The following SUGCT variants were observed in gnomAD, a reference collection of about 807,000 sequenced individuals.
SUGCT encodes the protein succinyl-CoA:glutarate-CoA transferase.
In SUGCT, 41 loss-of-function variants were observed where a neutral mutation model predicts 55.0. The ratio of observed to expected loss-of-function variants is 0.74; its 90% CI spans 0.58 to 0.97. The LOEUF (loss-of-function observed/expected upper bound fraction) is 0.97, where lower values mean the gene tolerates loss of function less well. Ranked by LOEUF, SUGCT falls within the 50% of genes least tolerant of loss-of-function variation. The pLI, the probability that SUGCT is intolerant of heterozygous loss-of-function variation, is 0.00. For missense variants in SUGCT, 568 were observed against 547.8 expected, an observed-to-expected ratio of 1.04 and a Z score of -0.37; for synonymous variants, 187 against 200.4, an observed-to-expected ratio of 0.93 and a Z score of 0.56.
chr7:40,219,236 A>C (rs758807661), intron 6 of SUGCT, among the ~76,000 whole-genome samples: 4 of 152,134 alleles, frequency 2.6e-5, no homozygotes, highest in African/African-American at 9.7e-5. Context: ...CGAATATCAG[A>C]AGGAACAAAC....
In SUGCT at chr7:40,274,652, C is replaced by T; in HGVS notation, c.716C>T (p.Ser239Phe). 6.2e-7 allele frequency: 1 copy of T among 1,613,100 alleles called. No homozygotes were observed. The highest frequency in any genetic ancestry group is 2.2e-5 in the East Asian group (1 of 44,834). ...TTCATTGATTGTAACCTACTGTCAT[C>T]CCAGGTAACAATCCAACTAACATTT... ...GLFIDCNLLS[S>F]QVACLSHIAA... The change falls in exon 8 of 14, where the codon TCC becomes TTC. Residue 239 changes from serine to phenylalanine, a missense_variant. Ser to Phe is a radical substitution (Grantham distance 155). Coordinates refer to ENST00000335693, the MANE Select transcript of SUGCT (RefSeq NM_001193313.2).
chr7:41,007,163 T>C, the SUGCT span, among the ~76,000 whole-genome samples: 1 of 152,146 alleles, frequency 6.6e-6, no homozygotes, highest in Non-Finnish European at 1.5e-5. Context: ...TTATTTCCAT[T>C]TTAACTTTGA....
At chr7:40,507,783 A>G (rs1474553670) in intron 12 of SUGCT, among the ~76,000 whole-genome samples, 1 of 152,064 alleles carries the variant, frequency 6.6e-6, no homozygotes, top group Non-Finnish European at 1.5e-5. Flanking sequence ...TCTGGCCCCA[A>G]ATTGTGCTTT....
Position 40,696,203 on chromosome 7 carries a change from A to G in SUGCT, c.1090-53231A>G, listed in dbSNP as rs150698646. On this transcript the variant is annotated intron_variant, in intron 12 of 13. Coordinates refer to ENST00000335693, the MANE Select transcript of SUGCT (RefSeq NM_001193313.2). ...ATTTTACATTAATCCTCAGTCACCC[A>G]TCAGTCACGAATTGTAGAAAAGGAA... 1.1e-4 allele frequency among the ~76,000 whole-genome samples: 16 copies of G among 152,216 alleles called. No individual in the cohort carries two copies. In the East Asian group the frequency reaches 3.1e-3, roughly 29 times the overall value.
chr7:40,821,583 T>TCCCACAGA (rs1411376205), intron 13 of SUGCT, among the ~76,000 whole-genome samples: 1 of 152,212 alleles, frequency 6.6e-6, no homozygotes, highest in Non-Finnish European at 1.5e-5. Flanking sequence ...TGATGGTAAT[T>TCCCACAGA]TGTATTTCTG....
intron 12 of SUGCT, among the ~76,000 whole-genome samples, chr7:40,535,477 A>G (rs1046668985): frequency 1.3e-5 from 2 of 152,218 alleles, no homozygotes; most frequent in African/African-American, 4.8e-5. Context: ...CCACTGTGGA[A>G]AGGAGTTGGG....
chr7:40,598,986 T>G (rs1321657138), intron 12 of SUGCT, among the ~76,000 whole-genome samples: 2 of 152,198 alleles, frequency 1.3e-5, no homozygotes, highest in African/African-American at 4.8e-5. Flanking sequence ...ATTCTAAACT[T>G]AATGGTGGCT....
At chr7:40,264,654 T>C (rs1443592715) in intron 7 of SUGCT, among the ~76,000 whole-genome samples, 2 of 152,206 alleles carry the variant, frequency 1.3e-5, no homozygotes, top group Admixed American at 6.5e-5. Context: ...AGAATAGTGG[T>C]TTTAACAATG....
chr7:40,358,317 A>G (rs926921960), intron 9 of SUGCT, among the ~76,000 whole-genome samples: 1 of 152,238 alleles, frequency 6.6e-6, no homozygotes, highest in South Asian at 2.1e-4. Flanking sequence ...GCTGGAGAGC[A>G]TATTATTTTG....
chr7:40,177,089 G>A (rs971184901), intron 1 of SUGCT, among the ~76,000 whole-genome samples: 1 of 150,610 alleles, frequency 6.6e-6, no homozygotes, highest in Non-Finnish European at 1.5e-5. Flanking sequence ...TTATTATATT[G>A]TTTCATCAAA....
At chr7:40,338,853 C>T (rs557988591) in intron 9 of SUGCT, among the ~76,000 whole-genome samples, 1 of 152,132 alleles carries the variant, frequency 6.6e-6, no homozygotes, top group Admixed American at 6.5e-5. Flanking sequence ...TTTTTCTGCC[C>T]TGTTTTTTCC....
intron 11 of SUGCT, among the ~76,000 whole-genome samples, chr7:40,481,929 ATC>A (rs1458502374): frequency 6.6e-6 from 1 of 152,112 alleles, no homozygotes; most frequent in African/African-American, 2.4e-5. Flanking sequence ...TTATTCATTT[ATC>A]TCTCTTTTTG....
At chr7:41,033,436 A>G in the SUGCT span, among the ~76,000 whole-genome samples, 1 of 152,124 alleles carries the variant, frequency 6.6e-6, no homozygotes, top group Non-Finnish European at 1.5e-5. Context: ...ATCTGAGACG[A>G]TTGCATACAG....
the SUGCT span, among the ~76,000 whole-genome samples, chr7:41,025,179 T>TA: frequency 1.3e-5 from 2 of 152,166 alleles, no homozygotes; most frequent in Non-Finnish European, 2.9e-5. Flanking sequence ...AATTCTGTGA[T>TA]AAAAAGGAAG....
chr7:40,766,134 T>C (rs1270270306), intron 13 of SUGCT, among the ~76,000 whole-genome samples: 1 of 152,192 alleles, frequency 6.6e-6, no homozygotes, highest in African/African-American at 2.4e-5. Context: ...CTCAAAAGTG[T>C]AGAAAAAGTG....
chr7:40,624,359 A>G (rs1266264888), intron 12 of SUGCT, among the ~76,000 whole-genome samples: 1 of 152,236 alleles, frequency 6.6e-6, no homozygotes, highest in African/African-American at 2.4e-5. Flanking sequence ...TATTAAAGTA[A>G]CAGTAATAGT....
intron 9 of SUGCT, among the ~76,000 whole-genome samples, chr7:40,421,488 A>C (rs1787305625): frequency 6.6e-6 from 1 of 152,064 alleles, no homozygotes; most frequent in African/African-American, 2.4e-5. Flanking sequence ...TCCAATTTTC[A>C]AGGATGATTG....
intron 9 of SUGCT, among the ~76,000 whole-genome samples, chr7:40,423,621 T>G (rs557653738): frequency 2.0e-5 from 3 of 152,192 alleles, no homozygotes; most frequent in Admixed American, 1.3e-4. Flanking sequence ...GTCATTAACC[T>G]ACTGAAAAAA....
chr7:40,336,019 T>C (rs1796678584), intron 9 of SUGCT, among the ~76,000 whole-genome samples: 1 of 152,206 alleles, frequency 6.6e-6, no homozygotes, highest in South Asian at 2.1e-4. Flanking sequence ...GTGGTTTTTG[T>C]TTTTGGTTCT....
Sources: allele counts gnomAD v4.1 joint callset (sites outside exome capture counted in the v4.1 genomes callset), GRCh38; gene constraint gnomAD v4.1.1; transcripts MANE v1.5; gene names NCBI Gene and HGNC (gene_info 2026-07-23, HGNC 2026-07-21).